ARHGAP32: variants seen among roughly 807,000 people sequenced by gnomAD.
ARHGAP32 encodes Rho GTPase activating protein 32.
Under a neutral mutation model 186.5 loss-of-function variants are expected in ARHGAP32, and 51 were observed. The ratio of observed to expected loss-of-function variants is 0.27; its 90% CI spans 0.22 to 0.35. ARHGAP32 has a LOEUF of 0.35. Ranked by LOEUF, ARHGAP32 falls within the 10% of genes least tolerant of loss-of-function variation. The pLI is 1.00. For synonymous variants in ARHGAP32, 950 were observed against 964.3 expected (o/e 0.99, Z 0.27); for missense variants, 2,186 against 2,623.5 (o/e 0.83, Z 3.64).
At position 129,103,287 on chromosome 11, in the gene ARHGAP32, A is replaced by G. The variant is rs144590396; in HGVS notation, c.445-9580T>C. ...ATTTTTTGTATCAGATTTTAAGAGC[A>G]AACTGGCAACAGTAAATGAAAGGAG... On this transcript the variant is annotated intron_variant, in intron 5 of 22. Transcript: ENST00000682385. Among the ~76,000 whole-genome samples the G allele has an allele frequency of 3.7e-3, 556 of 152,310 alleles. 2 individuals carry two copies. The highest frequency in any genetic ancestry group is 0.012 in the African/African-American group (519 of 41,582).
intron 1 of ARHGAP32, among the ~76,000 whole-genome samples, chr11:129,251,634 A>G (rs1945184737): frequency 6.6e-6 from 1 of 152,138 alleles, no homozygotes; most frequent in African/African-American, 2.4e-5. Context: ...AAGGTTAAAA[A>G]CAACAAAGTA....
chr11:129,222,023 G>A (rs1329013361), intron 1 of ARHGAP32, among the ~76,000 whole-genome samples: 2 of 151,970 alleles, frequency 1.3e-5, no homozygotes, highest in Admixed American at 6.6e-5. Flanking sequence ...AGGCACTGTG[G>A]GACCAATTAC....
intron 2 of ARHGAP32, among the ~76,000 whole-genome samples, chr11:129,142,683 C>T (rs1565442270): frequency 6.6e-6 from 1 of 151,110 alleles, no homozygotes. Flanking sequence ...GTATATGCTG[C>T]TATCAAAGTG....
rs538382710 is a variant in ARHGAP32 at position 129,123,134 on chromosome 11, A to G, written c.444+312T>C. Among the ~76,000 whole-genome samples the G allele has an allele frequency of 2.6e-5, 4 of 152,272 alleles. No homozygotes were observed. Among genetic ancestry groups the G allele is most frequent in the Non-Finnish European group, 4.4e-5 (3 of 68,000 alleles). ...CAACAATTAATTAAGACAAGTTTAC[A>G]TAATTTCAGAATAGAAAGTCACTAC... On this transcript the variant is annotated intron_variant, in intron 5 of 22. Coordinates refer to ENST00000682385, the MANE Select transcript of ARHGAP32 (RefSeq NM_001378024.1). The surrounding 1 kb of genome is among the most constrained non-coding windows in gnomAD (Gnocchi z 4.6).
chr11:129,052,160 C>T (rs1006891254), intron 10 of ARHGAP32, among the ~76,000 whole-genome samples: 3 of 152,096 alleles, frequency 2.0e-5, no homozygotes, highest in African/African-American at 7.2e-5. Context: ...ACTGCCATTA[C>T]ATCTCTTCAC....
intron 12 of ARHGAP32, among the ~76,000 whole-genome samples, chr11:128,995,225 G>A (rs1027222102): frequency 2.0e-4 from 30 of 151,984 alleles, no homozygotes; most frequent in African/African-American, 7.0e-4. Context: ...TATTTATTTA[G>A]AGACAGGGTT....
At chr11:129,183,998 T>C (rs559975312) in intron 1 of ARHGAP32, among the ~76,000 whole-genome samples, 1 of 152,112 alleles carries the variant, frequency 6.6e-6, no homozygotes, top group African/African-American at 2.4e-5. Flanking sequence ...AGGCCAGAGA[T>C]CAGACTTTGA....
intron 2 of ARHGAP32, among the ~76,000 whole-genome samples, chr11:129,148,627 G>C (rs933358408): frequency 2.0e-5 from 3 of 152,152 alleles, no homozygotes; most frequent in African/African-American, 7.2e-5. Flanking sequence ...AGCAGAATCT[G>C]GGAGGCAAAC....
rs34661752 is a variant in ARHGAP32, at chr11:128,973,045, T to C, written c.3461A>G (p.Glu1154Gly). ...PTHSNTTESG[E>G]QHHQVDLTGN... is the part of the protein sequence containing the mutation. Reference sequence around the variant, plus strand: ...TGTTAAGTCTACTTGGTGATGTTGCTCCCCAGATTCAGTTGTGTTGGAATG... The same window carrying C: ...TGTTAAGTCTACTTGGTGATGTTGCCCCCCAGATTCAGTTGTGTTGGAATG... The change falls in exon 22 of 23, where the codon GAG becomes GGG. Residue 1154 changes from glutamate (E) to glycine (G), a missense_variant. By Grantham distance (98) the Glu-to-Gly change is moderately conservative. Around this residue, in one of 5 missense-constraint regions of ARHGAP32, gnomAD observed 1,502 missense variants for 1,570.0 expected, o/e 0.96. Transcript: ENST00000682385. The C allele has an allele frequency of 1.1e-3, 1,766 of 1,614,088 alleles. 16 individuals carry two copies. The African/African-American group carries it at 0.019, about 17-fold the overall frequency.
intron 1 of ARHGAP32, among the ~76,000 whole-genome samples, chr11:129,173,652 A>G (rs923562082): frequency 6.6e-6 from 1 of 152,238 alleles, no homozygotes; most frequent in Non-Finnish European, 1.5e-5. Context: ...CTGGGATGCA[A>G]GTCTGGTTCA....
intron 11 of ARHGAP32, among the ~76,000 whole-genome samples, chr11:129,031,242 C>T (rs1939100751): frequency 6.6e-6 from 1 of 152,066 alleles, no homozygotes; most frequent in Admixed American, 6.6e-5. Context: ...ATTTAAATAA[C>T]ATAGTAAATA....
rs559839099 is a variant in ARHGAP32 at position 129,151,821 on chromosome 11, G to A, written c.225+12498C>T. On this transcript the variant is annotated intron_variant, in intron 2 of 22. Coordinates refer to ENST00000682385, the MANE Select transcript of ARHGAP32 (RefSeq NM_001378024.1). Reference sequence around the variant, plus strand: ...ACACCTCAAGGAAACAGAGAAACACGAACAAACCAAACCCAAACTCAGCAG... The same window carrying A: ...ACACCTCAAGGAAACAGAGAAACACAAACAAACCAAACCCAAACTCAGCAG... 1.2e-4 allele frequency among the ~76,000 whole-genome samples: 18 copies of A among 151,968 alleles called. No homozygotes were observed. In the East Asian group the frequency reaches 3.1e-3, roughly 26 times the overall value.
chr11:129,168,165 G>A lies in ARHGAP32; in HGVS notation c.117-3738C>T, dbSNP rs553893269. ...ACAGGCTGAGGTGAGAAGATCACCT[G>A]AGCCCAGGATGTCGAGGCTGCAGTG... On this transcript the variant is annotated intron_variant, in intron 1 of 22. Transcript: ENST00000682385. 2.0e-5 allele frequency among the ~76,000 whole-genome samples: 3 copies of A among 152,308 alleles called. No individual in the cohort carries two copies. In the East Asian group the frequency reaches 5.8e-4, roughly 29 times the overall value.
Position 129,143,072 on chromosome 11 carries a change from C to CAT in ARHGAP32, c.226-18180_226-18179dup, listed in dbSNP as rs145242519. Among the ~76,000 whole-genome samples, 257 of 112,426 alleles carry CAT rather than the reference C, an allele frequency of 2.3e-3. 14 individuals carry two copies. The highest frequency in any genetic ancestry group is 4.6e-3 in the African/African-American group (138 of 30,162). The allele number at this position is 112,426 out of a possible 152,430, so 73.8% of individuals were successfully genotyped here. A position where few individuals can be genotyped will look rare whatever the true frequency, so the allele number is the denominator to read the frequency against. On this transcript the variant is annotated intron_variant, in intron 2 of 22. Coordinates refer to ENST00000682385, the MANE Select transcript of ARHGAP32 (RefSeq NM_001378024.1). ...AGCTGTCTATATGCTGGTAAAACTG[C>CAT]ATATATATATATATATAATCAACTG...
In ARHGAP32 at chr11:128,965,389, A is replaced by C. The variant is rs1430502229; in HGVS notation, c.*3518T>G. 1 of 152,216 alleles carries C rather than the reference A, an allele frequency of 6.6e-6. No homozygotes were observed. Among genetic ancestry groups the C allele is most frequent in the African/African-American group, 2.4e-5 (1 of 41,444 alleles). 9.4% of individuals were successfully genotyped at this position (152,216 alleles called of 1,614,324 possible). On this transcript the variant is annotated 3_prime_UTR_variant, in exon 23 of 23. Coordinates refer to ENST00000682385, the MANE Select transcript of ARHGAP32 (RefSeq NM_001378024.1). ...TAAGACATAAAAAAACACTATATAA[A>C]TTAAAATTAAAAACTCAAAAGTATG... is the stretch of plus-strand genomic sequence containing the variant.
At chr11:129,100,653 C>G (rs1941869271) in intron 5 of ARHGAP32, among the ~76,000 whole-genome samples, 1 of 152,144 alleles carries the variant, frequency 6.6e-6, no homozygotes, top group South Asian at 2.1e-4. Flanking sequence ...CCAGCCAACC[C>G]CAACCCTGCC....
At chr11:129,095,046 CA>C (rs1359790917) in intron 5 of ARHGAP32, among the ~76,000 whole-genome samples, 14 of 152,090 alleles carry the variant, frequency 9.2e-5, no homozygotes, top group South Asian at 2.1e-4. Context: ...AGTGGTATCA[CA>C]AAGTATTTTT....
intron 11 of ARHGAP32, among the ~76,000 whole-genome samples, chr11:129,025,808 T>C (rs1938814489): frequency 7.1e-6 from 1 of 140,422 alleles, no homozygotes; most frequent in African/African-American, 2.7e-5. Context: ...TCCATGTTTA[T>C]GTTATGTAAT....
intron 11 of ARHGAP32, among the ~76,000 whole-genome samples, chr11:129,022,402 G>T (rs1938636098): frequency 6.6e-6 from 1 of 152,042 alleles, no homozygotes; most frequent in African/African-American, 2.4e-5. Context: ...AAGTAGAGGG[G>T]AAAGTTTCTA....
Sources: allele counts gnomAD v4.1 joint callset (sites outside exome capture counted in the v4.1 genomes callset), GRCh38; gene constraint gnomAD v4.1.1; regional missense constraint gnomAD v4.1.1; non-coding constraint Gnocchi (gnomAD v3.1); transcripts MANE v1.5; gene names NCBI Gene and HGNC (gene_info 2026-07-23, HGNC 2026-07-21).